SP140: variants seen among roughly 807,000 people sequenced by gnomAD.
SP140 encodes nuclear body protein SP140.
SP140 carries 81 observed loss-of-function variants against 125.0 expected under a neutral mutation model. The observed-to-expected ratio is 0.65, with a 90% CI of 0.54 to 0.78. The LOEUF is 0.78. Among genes scored for constraint, SP140 ranks in the 30% least tolerant of loss-of-function variants. The pLI is 0.00. For synonymous variants in SP140, 312 were observed against 354.0 expected (o/e 0.88, Z 1.33); for missense variants, 858 against 1,037.0 (o/e 0.83, Z 2.37).
At chr2:230,303,182 T>C (rs1047957441) in intron 22 of SP140, among the ~76,000 whole-genome samples, 1 of 151,914 alleles carries the variant, frequency 6.6e-6, no homozygotes, top group African/African-American at 2.4e-5. Context: ...AAGAAAAGAC[T>C]AGAGAAGATC....
chr2:230,222,993 T>C (rs2045946224), upstream of SP140, among the ~76,000 whole-genome samples: 2 of 151,910 alleles, frequency 1.3e-5, no homozygotes, highest in Non-Finnish European at 2.9e-5. Flanking sequence ...GCCACCAAGA[T>C]CCTGCTCATC....
Position 230,237,067 on chromosome 2 carries a change from T to C in SP140, c.60-16T>C. 1 of 1,553,232 alleles carries C rather than the reference T, an allele frequency of 6.4e-7. No individual in the cohort carries two copies. Among genetic ancestry groups the C allele is most frequent in the Non-Finnish European group, 8.7e-7 (1 of 1,152,650 alleles). Reference sequence around the variant, plus strand: ...AAACTCAGTGTCTACTTCCACGTTGTATCTTTGTTTCTTAGGATGGTCGCA... The same window carrying C: ...AAACTCAGTGTCTACTTCCACGTTGCATCTTTGTTTCTTAGGATGGTCGCA... On this transcript the variant is annotated splice_polypyrimidine_tract_variant and intron_variant, in intron 1 of 26. Coordinates refer to ENST00000392045, the MANE Select transcript of SP140 (RefSeq NM_007237.5). This position sits in a 1 kb window ranked among gnomAD's most constrained non-coding sequence, Gnocchi z 5.4.
At chr2:230,217,018 G>T (rs1002747922) in intron 3 of SP140, 22 of 1,042,300 alleles carry the variant, frequency 2.1e-5, no homozygotes, top group Non-Finnish European at 3.2e-5. Context: ...GGCCGAGGTG[G>T]GTGGATCACC....
chr2:230,268,508 A>G lies in SP140; in HGVS notation c.1241-1024A>G, dbSNP rs143613196. Among the ~76,000 whole-genome samples, 406 of 151,794 alleles carry G rather than the reference A, an allele frequency of 2.7e-3. 1 individual carries two copies. Among genetic ancestry groups the G allele is most frequent in the African/African-American group, 9.5e-3 (391 of 41,318 alleles). On this transcript the variant is annotated intron_variant, in intron 12 of 26. Coordinates refer to ENST00000392045, the MANE Select transcript of SP140 (RefSeq NM_007237.5). ...CGGTTGCACTCCAGCCTGGGCGACAAGAGTGAAACTCTGTCTAAAAAAAAA... is the reference window on the plus strand; with the variant it reads ...CGGTTGCACTCCAGCCTGGGCGACAGGAGTGAAACTCTGTCTAAAAAAAAA...
upstream of SP140, chr2:230,221,635 G>T: frequency 7.2e-7 from 1 of 1,388,190 alleles, no homozygotes; most frequent in Non-Finnish European, 9.9e-7. Flanking sequence ...AACATACAGC[G>T]CTGTGATGCA....
At chr2:230,194,863 C>A in the SP140 span, among the ~76,000 whole-genome samples, 4 of 152,028 alleles carry the variant, frequency 2.6e-5, no homozygotes, top group Non-Finnish European at 4.4e-5. Context: ...AGGTATAAAC[C>A]AAGTTGGTGT....
intron 1 of SP140, among the ~76,000 whole-genome samples, chr2:230,226,705 C>T (rs2046428490): frequency 1.4e-5 from 2 of 141,094 alleles, no homozygotes; most frequent in Non-Finnish European, 1.5e-5. Context: ...GAGGTTTTGG[C>T]GAGCCAAGAT....
chr2:230,207,966 GCTT>G (rs749165734), intron 1 of SP140: 1 of 1,235,304 alleles, frequency 8.1e-7, no homozygotes, highest in Admixed American at 1.8e-5. Flanking sequence ...CCAGCCTCCA[GCTT>G]CCTCTTGTAC....
At chr2:230,235,867 T>A (rs944247766) in intron 1 of SP140, among the ~76,000 whole-genome samples, 1 of 131,686 alleles carries the variant, frequency 7.6e-6, no homozygotes, top group Non-Finnish European at 1.6e-5. Flanking sequence ...TTCTTGTGAC[T>A]GTTTTTTTTT....
chr2:230,293,390 G>A (rs2057347115), intron 20 of SP140, among the ~76,000 whole-genome samples: 1 of 152,204 alleles, frequency 6.6e-6, no homozygotes, highest in Non-Finnish European at 1.5e-5. Context: ...AAGCAGGAGT[G>A]CAGTGGCTCA....
At chr2:230,284,312 C>T in intron 15 of SP140, 34 bp from the exon 16 acceptor site, 1 of 1,560,354 alleles carries the variant, frequency 6.4e-7, no homozygotes, top group South Asian at 1.2e-5. Context: ...ATTTATACCT[C>T]TGCATAATTA....
chr2:230,307,740 G>A (rs1420620379), intron 22 of SP140, among the ~76,000 whole-genome samples: 2 of 152,054 alleles, frequency 1.3e-5, no homozygotes, highest in Non-Finnish European at 1.5e-5. Context: ...GCCCTTGGTA[G>A]GTATGCGATC....
intron 8 of SP140, among the ~76,000 whole-genome samples, 161 bp downstream of exon 8, chr2:230,248,226 A>G (rs1273193981): frequency 1.3e-5 from 2 of 152,200 alleles, no homozygotes; most frequent in Non-Finnish European, 2.9e-5. Context: ...TCGATATGCA[A>G]ACAGCTGTAT....
chr2:230,262,320 C>T (rs927751966), intron 12 of SP140, among the ~76,000 whole-genome samples: 27 of 151,992 alleles, frequency 1.8e-4, no homozygotes, highest in Admixed American at 1.3e-3. Context: ...TTCTCAGTGA[C>T]GTTATTCGGG....
At chr2:230,248,477 A>T (rs1368721919) in intron 8 of SP140, among the ~76,000 whole-genome samples, 3 of 152,140 alleles carry the variant, frequency 2.0e-5, no homozygotes, top group Non-Finnish European at 4.4e-5. Flanking sequence ...AGGAAAAAAA[A>T]TGCTAATGGG....
At chr2:230,233,063 A>G (rs2047481165) in intron 1 of SP140, among the ~76,000 whole-genome samples, 1 of 152,152 alleles carries the variant, frequency 6.6e-6, no homozygotes, top group Non-Finnish European at 1.5e-5. Flanking sequence ...TGTTTTAAAT[A>G]TCTTGTTGCT....
At chr2:230,297,342 T>G (rs892075508) in intron 21 of SP140, 79 bp from the exon 22 acceptor site, 14 of 1,498,826 alleles carry the variant, frequency 9.3e-6, no homozygotes, top group African/African-American at 1.4e-5. Flanking sequence ...CTTCAAAGAA[T>G]ACTATTTAAA....
chr2:230,238,898 T>G (rs1232681981), intron 3 of SP140: 2 of 1,550,208 alleles, frequency 1.3e-6, no homozygotes, highest in Non-Finnish European at 1.7e-6. Flanking sequence ...GAAAAGGGGG[T>G]TGGTGGGGGC....
intron 18 of SP140, chr2:230,288,221 C>T (rs555360040): frequency 5.1e-6 from 2 of 392,220 alleles, no homozygotes; most frequent in Admixed American, 4.2e-5. Flanking sequence ...TGATAAATTT[C>T]AAGGCTGGAG....
Sources: gnomAD v4.1 joint callset for allele counts (sites outside exome capture counted in the v4.1 genomes callset) on GRCh38, gnomAD v4.1.1 for gene constraint, Gnocchi (gnomAD v3.1) non-coding constraint, MANE v1.5 for transcripts, NCBI Gene and HGNC (gene_info 2026-07-23, HGNC 2026-07-21) for gene names.